Variants in TF observed in about 807,000 individuals in gnomAD.
TF encodes the protein transferrin.
Under a neutral mutation model 82.4 loss-of-function variants are expected in TF, and 55 were observed. That is an observed-to-expected ratio of 0.67 (90% CI 0.54 to 0.84). TF has a LOEUF of 0.84. Ranked by LOEUF, TF falls within the 40% of genes least tolerant of loss-of-function variation. The pLI, the probability that TF is intolerant of heterozygous loss-of-function variation, is 0.00. For missense variants in TF, 737 were observed against 868.4 expected (o/e 0.85, Z 1.90); for synonymous variants, 332 against 332.6 (o/e 1.00, Z 0.02).
the TF span, among the ~76,000 whole-genome samples, chr3:133,674,695 G>A: frequency 1.3e-5 from 2 of 151,824 alleles, no homozygotes; most frequent in African/African-American, 4.8e-5. Context: ...AAGGTGCTCC[G>A]GGGAGGCACT....
chr3:133,663,914 T>C, the TF span, among the ~76,000 whole-genome samples: 1 of 152,194 alleles, frequency 6.6e-6, no homozygotes, highest in Non-Finnish European at 1.5e-5. Flanking sequence ...GAGTGACCTG[T>C]CTTTAGAGTA....
the TF span, among the ~76,000 whole-genome samples, chr3:133,704,872 A>G: frequency 6.6e-6 from 1 of 152,142 alleles, no homozygotes; most frequent in Non-Finnish European, 1.5e-5. Flanking sequence ...GGTTTCCCTA[A>G]TATCATTGAT....
At chr3:133,698,614 T>A in the TF span, among the ~76,000 whole-genome samples, 7 of 152,190 alleles carry the variant, frequency 4.6e-5, no homozygotes, top group Non-Finnish European at 1.0e-4. Flanking sequence ...TGTGTGCATG[T>A]CTTCTGTGTC....
the TF span, among the ~76,000 whole-genome samples, chr3:133,740,644 C>T: frequency 6.6e-6 from 1 of 151,962 alleles, no homozygotes; most frequent in Non-Finnish European, 1.5e-5. Context: ...TTTGCATTTT[C>T]TTTTACAAAC....
Position 133,768,058 on chromosome 3 carries a change from G to T in TF, c.1516G>T (p.Gly506Trp). 1.2e-6 allele frequency: 2 copies of T among 1,614,158 alleles called. No homozygotes were observed. The highest frequency in any genetic ancestry group is 1.7e-6 in the Non-Finnish European group (2 of 1,180,014). The change falls in exon 13 of 17, where the codon GGG (glycine) becomes TGG (tryptophan). Residue 506 changes from glycine (G) to tryptophan (W), a missense_variant. Coordinates refer to ENST00000402696, the MANE Select transcript of TF (RefSeq NM_001063.4). ...ATTTTTCAGTGAAGGTTGTGCCCCT[G>T]GGTCTAAGAAAGACTCCAGTCTCTG... Reference protein sequence around the residue: ...DEFFSEGCAPGSKKDSSLCKL... With the variant: ...DEFFSEGCAPWSKKDSSLCKL...
At chr3:133,689,896 G>A in the TF span, among the ~76,000 whole-genome samples, 2 of 151,988 alleles carry the variant, frequency 1.3e-5, no homozygotes, top group Non-Finnish European at 2.9e-5. Flanking sequence ...AATAATAATT[G>A]TACATATTTA....
At chr3:133,680,733 T>A in the TF span, among the ~76,000 whole-genome samples, 3 of 152,138 alleles carry the variant, frequency 2.0e-5, no homozygotes, top group East Asian at 5.8e-4. Context: ...ATCACTGGCA[T>A]GGGATTCTGT....
At position 133,777,111 on chromosome 3, in the gene TF, C is replaced by T. The variant is rs748049292; in HGVS notation, c.1935C>T (p.Thr645=). The T allele has an allele frequency of 6.2e-7, 1 of 1,614,156 alleles. No homozygotes were observed. The highest frequency in any genetic ancestry group is 8.5e-7 in the Non-Finnish European group (1 of 1,180,024). ...SGNFCLFRSE[T]KDLLFRDDTV... ...ACTTTTGTTTGTTCCGGTCGGAAACCAAGGACCTTCTGTTCAGAGATGACA... is the reference window on the plus strand; with the variant it reads ...ACTTTTGTTTGTTCCGGTCGGAAACTAAGGACCTTCTGTTCAGAGATGACA... The change falls in exon 16 of 17, where the codon ACC becomes ACT. Residue 645 remains threonine (T), a synonymous_variant. Transcript: ENST00000402696.
chr3:133,733,051 C>T, the TF span, among the ~76,000 whole-genome samples: 2 of 152,230 alleles, frequency 1.3e-5, no homozygotes, highest in African/African-American at 2.4e-5. Flanking sequence ...CTTCTACCAA[C>T]GCTATGTTCC....
intron 1 of TF, 78 bp downstream of exon 1, chr3:133,746,561 C>T (rs1933506818): frequency 6.8e-7 from 1 of 1,473,290 alleles, no homozygotes; most frequent in African/African-American, 1.4e-5. Flanking sequence ...ACCGCGCAGC[C>T]TGCATGCACT....
At chr3:133,711,287 C>A in the TF span, among the ~76,000 whole-genome samples, 1 of 152,178 alleles carries the variant, frequency 6.6e-6, no homozygotes, top group Admixed American at 6.5e-5. Context: ...TTTTATCTAT[C>A]TCTGTGTTGA....
chr3:133,717,345 G>A, the TF span, among the ~76,000 whole-genome samples: 1 of 152,150 alleles, frequency 6.6e-6, no homozygotes, highest in Non-Finnish European at 1.5e-5. Context: ...TACAATTCAG[G>A]ATGTCCAGTT....
At chr3:133,707,419 A>G in the TF span, 1 of 152,282 alleles carries the variant, frequency 6.6e-6, no homozygotes, top group Non-Finnish European at 1.5e-5. Context: ...TACTGCTGGA[A>G]AGCCACCTCC....
chr3:133,710,045 C>T, the TF span: 2 of 152,310 alleles, frequency 1.3e-5, no homozygotes, highest in Non-Finnish European at 2.9e-5. Flanking sequence ...AACCTTCCAC[C>T]AGTAAGTCCT....
At chr3:133,686,905 T>C in the TF span, among the ~76,000 whole-genome samples, 2 of 152,356 alleles carry the variant, frequency 1.3e-5, no homozygotes, top group African/African-American at 4.8e-5. Flanking sequence ...CCTATGTTTA[T>C]TGTGGCACTA....
chr3:133,677,079 A>G, the TF span, among the ~76,000 whole-genome samples: 1 of 152,252 alleles, frequency 6.6e-6, no homozygotes, highest in Non-Finnish European at 1.5e-5. Context: ...ATGCCCTGTA[A>G]GAGCCAGGAG....
chr3:133,764,916 GAATTGGT>G lies in TF; in HGVS notation c.1330+12_1330+18del. 6.2e-7 allele frequency: 1 copy of G among 1,613,778 alleles called. No homozygotes were observed. The highest frequency in any genetic ancestry group is 8.5e-7 in the Non-Finnish European group (1 of 1,179,688). ...GGATACACCAGAGGCAGGTGAGTTT[GAATTGGT>G]AACCTCTGGAGTTAAAAGATAAATT... is the stretch of plus-strand genomic sequence containing the variant. On this transcript the variant is annotated intron_variant, in intron 11 of 16. Transcript: ENST00000402696.
chr3:133,703,900 G>A, the TF span, among the ~76,000 whole-genome samples: 1 of 152,180 alleles, frequency 6.6e-6, no homozygotes, highest in African/African-American at 2.4e-5. Context: ...TGCATTTCCT[G>A]AGTCTGGCCA....
chr3:133,682,633 A>G, the TF span, among the ~76,000 whole-genome samples: 1 of 152,210 alleles, frequency 6.6e-6, no homozygotes, highest in African/African-American at 2.4e-5. Context: ...AATGAATGAA[A>G]TGAAGTGAGA....
Sources: allele counts gnomAD v4.1 joint callset (sites outside exome capture counted in the v4.1 genomes callset), GRCh38; gene constraint gnomAD v4.1.1; transcripts MANE v1.5; gene names NCBI Gene and HGNC (gene_info 2026-07-23, HGNC 2026-07-21).